Variants in KIF16B observed in about 807,000 individuals in gnomAD.
KIF16B encodes kinesin-like protein KIF16B.
A neutral mutation model predicts 156.3 loss-of-function variants in KIF16B; 98 were observed. That is an observed-to-expected ratio of 0.63 (90% CI 0.53 to 0.74). The LOEUF (loss-of-function observed/expected upper bound fraction) is 0.74, where lower values mean the gene tolerates loss of function less well. Ranked by LOEUF, KIF16B falls within the 30% of genes least tolerant of loss-of-function variation. The pLI is 0.00. For missense variants in KIF16B, 1,421 were observed against 1,606.5 expected (o/e 0.88, Z 1.97); for synonymous variants, 564 against 583.7 (o/e 0.97, Z 0.49).
chr20:16,346,065 C>T (rs530913410), intron 23 of KIF16B, among the ~76,000 whole-genome samples: 3 of 152,218 alleles, frequency 2.0e-5, no homozygotes, highest in South Asian at 2.1e-4. Context: ...CAGTTGCCAT[C>T]TGGACCATGT....
intron 25 of KIF16B, among the ~76,000 whole-genome samples, chr20:16,309,281 T>C (rs563583378): frequency 6.6e-6 from 1 of 152,342 alleles, no homozygotes; most frequent in African/African-American, 2.4e-5. Context: ...TGAGCCCTTA[T>C]GACCCAATTT....
At chr20:16,526,640 C>T (rs1187109317) in intron 2 of KIF16B, among the ~76,000 whole-genome samples, 1 of 152,222 alleles carries the variant, frequency 6.6e-6, no homozygotes, top group African/African-American at 2.4e-5. Context: ...TCTTTCATGA[C>T]ACTTCCCTTG....
chr20:16,426,238 C>T (rs912525932), intron 15 of KIF16B, among the ~76,000 whole-genome samples: 1 of 152,192 alleles, frequency 6.6e-6, no homozygotes, highest in Admixed American at 6.6e-5. Flanking sequence ...ATTTTCAAAA[C>T]TGCCAAAGTC....
intron 12 of KIF16B, among the ~76,000 whole-genome samples, chr20:16,440,775 T>G (rs2066778303): frequency 6.6e-6 from 1 of 152,108 alleles, no homozygotes. Context: ...CTTGGGGCAG[T>G]TCAATTTCCA....
chr20:16,480,969 C>T (rs1166861334), intron 12 of KIF16B, among the ~76,000 whole-genome samples: 1 of 152,144 alleles, frequency 6.6e-6, no homozygotes, highest in African/African-American at 2.4e-5. Flanking sequence ...CCATTTGATT[C>T]TATGAACCTA....
chr20:16,419,977 C>A (rs1233398443), intron 15 of KIF16B, among the ~76,000 whole-genome samples: 1 of 152,132 alleles, frequency 6.6e-6, no homozygotes, highest in Non-Finnish European at 1.5e-5. Flanking sequence ...TTCACACTTT[C>A]TTGAAGAACT....
chr20:16,512,942 T>C lies in KIF16B; in HGVS notation c.349-19A>G, dbSNP rs1437807418. ...AATCTCCCTGCATGGGAAAGACCAATGTCACAGCTGTCACTCAAAATAAAA... is the reference window on the plus strand; with the variant it reads ...AATCTCCCTGCATGGGAAAGACCAACGTCACAGCTGTCACTCAAAATAAAA... On this transcript the variant is annotated intron_variant, in intron 4 of 25. Transcript: ENST00000354981. 6.6e-7 allele frequency: 1 copy of C among 1,507,590 alleles called. No individual in the cohort carries two copies. 93.4% of individuals were successfully genotyped at this position (1,507,590 alleles called of 1,614,324 possible).
At chr20:16,464,320 C>A (rs1020791711) in intron 12 of KIF16B, among the ~76,000 whole-genome samples, 76 of 151,854 alleles carry the variant, frequency 5.0e-4, no homozygotes, top group Non-Finnish European at 1.8e-4. Context: ...ATTAAACAAG[C>A]AAAAATTTTA....
At chr20:16,297,458 T>G (rs2063404981) in intron 25 of KIF16B, among the ~76,000 whole-genome samples, 1 of 152,164 alleles carries the variant, frequency 6.6e-6, no homozygotes. Context: ...TTGGGGAGGC[T>G]GAGGCGGGCA....
At chr20:16,499,421 T>C (rs897103360) in intron 10 of KIF16B, among the ~76,000 whole-genome samples, 12 of 152,324 alleles carry the variant, frequency 7.9e-5, no homozygotes, top group South Asian at 4.1e-4. Context: ...CTGGTTTGCA[T>C]AGAATGAAGC....
intron 24 of KIF16B, among the ~76,000 whole-genome samples, chr20:16,319,081 A>C (rs1381920723): frequency 6.6e-6 from 1 of 152,228 alleles, no homozygotes; most frequent in Non-Finnish European, 1.5e-5. Context: ...TGTCAAGGTC[A>C]CTGAAAACAA....
At chr20:16,436,938 T>C (rs1235682518) in intron 12 of KIF16B, among the ~76,000 whole-genome samples, 1 of 152,196 alleles carries the variant, frequency 6.6e-6, no homozygotes, top group Non-Finnish European at 1.5e-5. Context: ...TTGATATCCA[T>C]GGAGGACTGG....
intron 12 of KIF16B, among the ~76,000 whole-genome samples, chr20:16,487,675 T>C (rs1410047071): frequency 6.6e-6 from 1 of 152,218 alleles, no homozygotes; most frequent in African/African-American, 2.4e-5. Flanking sequence ...AATTTCATTT[T>C]ACTATATTTC....
At chr20:16,279,520 C>T (rs928868577) in intron 25 of KIF16B, among the ~76,000 whole-genome samples, 2 of 152,166 alleles carry the variant, frequency 1.3e-5, no homozygotes, top group Non-Finnish European at 2.9e-5. Flanking sequence ...ACAGCGCTGG[C>T]AGGGGGCAGA....
intron 12 of KIF16B, among the ~76,000 whole-genome samples, chr20:16,456,797 T>C (rs2067224461): frequency 6.6e-6 from 1 of 152,034 alleles, no homozygotes; most frequent in African/African-American, 2.4e-5. Flanking sequence ...GAGAAGAACA[T>C]GAAAATGGAA....
At chr20:16,570,195 A>G (rs954679759) in intron 1 of KIF16B, among the ~76,000 whole-genome samples, 3 of 152,234 alleles carry the variant, frequency 2.0e-5, no homozygotes, top group African/African-American at 7.2e-5. Context: ...TTTGTTATCA[A>G]TGATGATGCA....
chr20:16,341,656 C>T (rs2064141061), intron 23 of KIF16B, among the ~76,000 whole-genome samples: 1 of 152,248 alleles, frequency 6.6e-6, no homozygotes, highest in Non-Finnish European at 1.5e-5. Flanking sequence ...ATCAGCTGCA[C>T]TGGGGCACTT....
At chr20:16,404,941 G>GGCCTTTTCTTCTCTGCT in intron 16 of KIF16B, 40 bp from the exon 17 acceptor site, 1 of 1,452,958 alleles carries the variant, frequency 6.9e-7, no homozygotes, top group Non-Finnish European at 9.6e-7. Flanking sequence ...CCTTAGCAGA[G>GGCCTTTTCTTCTCTGCT]AAGAAAAGGC....
intron 24 of KIF16B, among the ~76,000 whole-genome samples, chr20:16,327,026 T>C (rs1422132004): frequency 6.9e-6 from 1 of 143,962 alleles, no homozygotes; most frequent in Non-Finnish European, 1.5e-5. Flanking sequence ...TGTGTGTATA[T>C]ATATACACAC....
Sources: allele counts gnomAD v4.1 joint callset (sites outside exome capture counted in the v4.1 genomes callset), GRCh38; gene constraint gnomAD v4.1.1; transcripts MANE v1.5; gene names NCBI Gene and HGNC (gene_info 2026-07-23, HGNC 2026-07-21).